Variants in PTK7 observed in about 807,000 individuals in gnomAD.
The protein encoded by PTK7 is protein tyrosine kinase 7 (inactive).
Under a neutral mutation model 116.6 loss-of-function variants are expected in PTK7, and 39 were observed. The observed-to-expected ratio is 0.33, with a 90% CI of 0.26 to 0.44. The LOEUF (loss-of-function observed/expected upper bound fraction) is 0.44, where lower values mean the gene tolerates loss of function less well. Among genes scored for constraint, PTK7 ranks in the 20% least tolerant of loss-of-function variants. The pLI is 1.00. For synonymous variants in PTK7, 546 were observed against 563.6 expected (o/e 0.97, Z 0.44); for missense variants, 1,169 against 1,425.6 (o/e 0.82, Z 2.90).
chr6:43,138,299 C>T (rs1451015783), intron 7 of PTK7, among the ~76,000 whole-genome samples: 1 of 152,082 alleles, frequency 6.6e-6, no homozygotes, highest in African/African-American at 2.4e-5. Context: ...GTGTGAGCCA[C>T]CACTCCCTGC....
intron 1 of PTK7, among the ~76,000 whole-genome samples, chr6:43,128,306 C>T (rs1769421192): frequency 6.6e-6 from 1 of 152,206 alleles, no homozygotes; most frequent in African/African-American, 2.4e-5. Context: ...TAGGAAGCCT[C>T]CCTGTGCAGC....
intron 1 of PTK7, among the ~76,000 whole-genome samples, chr6:43,109,849 C>T (rs1005688993): frequency 1.8e-4 from 27 of 151,842 alleles, no homozygotes; most frequent in African/African-American, 5.6e-4. Flanking sequence ...CAGGTGCCCA[C>T]GACCACGCCC....
At chr6:43,116,647 T>TGCGCGC (rs1417461604) in intron 1 of PTK7, among the ~76,000 whole-genome samples, 2 of 74,252 alleles carry the variant, frequency 2.7e-5, no homozygotes, top group African/African-American at 1.2e-4. Context: ...TGTGTGTGTG[T>TGCGCGC]GTGTGCGCGC....
At chr6:43,136,141 G>A (rs1367315723) in intron 7 of PTK7, among the ~76,000 whole-genome samples, 1 of 151,820 alleles carries the variant, frequency 6.6e-6, no homozygotes, top group East Asian at 1.9e-4. Flanking sequence ...GGGCGACAGA[G>A]CGAGACTCTA....
chr6:43,141,836 C>G lies in PTK7; in HGVS notation c.1768+19C>G. The G allele has an allele frequency of 6.2e-7, 1 of 1,610,968 alleles. No homozygotes were observed. Among genetic ancestry groups the G allele is most frequent in the East Asian group, 2.2e-5 (1 of 44,810 alleles). Reference sequence around the variant, plus strand: ...GTGGCAGGTGCGACCGTGGCAGGGCCCTGGGGCTGGGAGGGCCCTCTGGGG... The same window carrying G: ...GTGGCAGGTGCGACCGTGGCAGGGCGCTGGGGCTGGGAGGGCCCTCTGGGG... On this transcript the variant is annotated intron_variant, in intron 11 of 19. Coordinates refer to ENST00000230419, the MANE Select transcript of PTK7 (RefSeq NM_002821.5). This position sits in a 1 kb window ranked among gnomAD's most constrained non-coding sequence, Gnocchi z 4.9.
chr6:43,076,746 G>C lies in PTK7; in HGVS notation c.79+179G>C. The C allele has an allele frequency of 1.4e-6, 2 of 1,383,464 alleles. No individual in the cohort carries two copies. Among genetic ancestry groups the C allele is most frequent in the Non-Finnish European group, 1.9e-6 (2 of 1,063,924 alleles). The allele number at this position is 1,383,464 out of a possible 1,614,324, so 85.7% of individuals were successfully genotyped here. ...AAGGAGCCCGGGTGTCGGGAGGCTG[G>C]CGAAGCCTCCAGGGACGCGGTCAGG... On this transcript the variant is annotated intron_variant, in intron 1 of 19. Coordinates refer to ENST00000230419, the MANE Select transcript of PTK7 (RefSeq NM_002821.5). This position sits in a 1 kb window ranked among gnomAD's most constrained non-coding sequence, Gnocchi z 5.7.
chr6:43,135,319 C>T lies in PTK7; in HGVS notation c.1228+2632C>T, dbSNP rs375345883. On this transcript the variant is annotated intron_variant, in intron 7 of 19. Coordinates refer to ENST00000230419, the MANE Select transcript of PTK7 (RefSeq NM_002821.5). Reference sequence around the variant, plus strand: ...ATGCATTCAGTCAACAGAGATTTGTCGAGCACCTTGTGCTAGCTCTTCCCA... The same window carrying T: ...ATGCATTCAGTCAACAGAGATTTGTTGAGCACCTTGTGCTAGCTCTTCCCA... Among the ~76,000 whole-genome samples the T allele has an allele frequency of 2.6e-4, 40 of 152,334 alleles. 1 individual carries two copies. The East Asian group carries it at 3.5e-3, about 13-fold the overall frequency.
At chr6:43,083,996 T>A (rs1260041537) in intron 1 of PTK7, among the ~76,000 whole-genome samples, 2 of 152,256 alleles carry the variant, frequency 1.3e-5, no homozygotes, top group Admixed American at 1.3e-4. Context: ...TGGGCCTTAC[T>A]GCAGACCTGC....
At chr6:43,081,696 C>T (rs1171839792) in intron 1 of PTK7, among the ~76,000 whole-genome samples, 3 of 152,186 alleles carry the variant, frequency 2.0e-5, no homozygotes, top group Non-Finnish European at 4.4e-5. Flanking sequence ...TGAGCCACTG[C>T]ACCCAGCCGA....
intron 1 of PTK7, among the ~76,000 whole-genome samples, chr6:43,085,778 A>G (rs1766614768): frequency 6.6e-6 from 1 of 151,746 alleles, no homozygotes; most frequent in Non-Finnish European, 1.5e-5. Flanking sequence ...TAGTAAAAAT[A>G]TAAAATTAGC....
intron 1 of PTK7, among the ~76,000 whole-genome samples, chr6:43,082,261 C>T (rs1331568276): frequency 1.3e-5 from 2 of 152,130 alleles, no homozygotes; most frequent in African/African-American, 4.8e-5. Flanking sequence ...CTGCAACCTC[C>T]ACCTCCTGGG....
intron 1 of PTK7, among the ~76,000 whole-genome samples, chr6:43,084,501 A>C (rs1582055816): frequency 6.6e-6 from 1 of 152,236 alleles, no homozygotes; most frequent in East Asian, 1.9e-4. Flanking sequence ...AAGTGTGAGA[A>C]CCACTGGGTA....
At chr6:43,091,857 C>A (rs1024631754) in intron 1 of PTK7, among the ~76,000 whole-genome samples, 3 of 152,030 alleles carry the variant, frequency 2.0e-5, no homozygotes, top group Non-Finnish European at 4.4e-5. Flanking sequence ...TCAAGTAACT[C>A]TTTTTTTAAT....
chr6:43,150,326 C>G (rs1165708402), intron 17 of PTK7, among the ~76,000 whole-genome samples: 1 of 152,146 alleles, frequency 6.6e-6, no homozygotes, highest in Non-Finnish European at 1.5e-5. Context: ...AAGAACGGGT[C>G]TTTTATAACA....
intron 1 of PTK7, among the ~76,000 whole-genome samples, chr6:43,078,301 G>T (rs1324642856): frequency 6.6e-6 from 1 of 152,006 alleles, no homozygotes; most frequent in East Asian, 1.9e-4. Context: ...GGAAGTTAGG[G>T]CAGGCTGAGG....
At chr6:43,144,034 G>T (rs1245037494) in intron 14 of PTK7, among the ~76,000 whole-genome samples, 3 of 152,214 alleles carry the variant, frequency 2.0e-5, no homozygotes, top group African/African-American at 7.2e-5. Flanking sequence ...TGAGGTCATT[G>T]CTGGGTCTCT....
intron 1 of PTK7, among the ~76,000 whole-genome samples, chr6:43,085,239 T>C (rs574582736): frequency 1.3e-5 from 2 of 152,158 alleles, no homozygotes; most frequent in South Asian, 4.1e-4. Context: ...CCAGAGACTG[T>C]CCTGGCCAGC....
chr6:43,159,495 C>T (rs1771709891), intron 18 of PTK7: 2 of 455,352 alleles, frequency 4.4e-6, no homozygotes, highest in East Asian at 9.0e-5. Flanking sequence ...TTAGTTTTTA[C>T]ATTTTTACAA....
intron 17 of PTK7, among the ~76,000 whole-genome samples, chr6:43,149,187 C>T (rs1385200915): frequency 6.6e-6 from 1 of 151,314 alleles, no homozygotes; most frequent in East Asian, 1.9e-4. Context: ...GCCTGGCCAA[C>T]GTGGGGAAAC....
Sources: allele counts gnomAD v4.1 joint callset (sites outside exome capture counted in the v4.1 genomes callset), GRCh38; gene constraint gnomAD v4.1.1; non-coding constraint Gnocchi (gnomAD v3.1); transcripts MANE v1.5; gene names NCBI Gene and HGNC (gene_info 2026-07-23, HGNC 2026-07-21).